L3MBTL3: variants seen among roughly 807,000 people sequenced by gnomAD.
L3MBTL3 encodes the protein L3MBTL histone methyl-lysine binding protein 3.
A neutral mutation model predicts 102.3 loss-of-function variants in L3MBTL3; 27 were observed. The ratio of observed to expected loss-of-function variants is 0.26; its 90% CI spans 0.19 to 0.36. The LOEUF is 0.36. Among genes scored for constraint, L3MBTL3 ranks in the 10% least tolerant of loss-of-function variants. The pLI, the probability that L3MBTL3 is intolerant of heterozygous loss-of-function variation, is 1.00. For synonymous variants in L3MBTL3, 340 were observed against 320.9 expected (o/e 1.06, Z -0.64); for missense variants, 798 against 955.3 (o/e 0.84, Z 2.17).
intron 17 of L3MBTL3, 149 bp downstream of exon 17, chr6:130,093,008 C>G (rs1784151399): frequency 4.0e-6 from 2 of 495,888 alleles, no homozygotes; most frequent in African/African-American, 4.0e-5. Flanking sequence ...TTTTAATTAC[C>G]ACGGTCACAG....
chr6:130,081,704 C>T (rs747738528), intron 14 of L3MBTL3, among the ~76,000 whole-genome samples: 101 of 152,086 alleles, frequency 6.6e-4, no homozygotes, highest in Non-Finnish European at 1.0e-3. Flanking sequence ...GGATTACAGG[C>T]GTGAGCCACC....
intron 14 of L3MBTL3, among the ~76,000 whole-genome samples, chr6:130,083,092 A>G (rs1027441752): frequency 2.0e-5 from 3 of 152,202 alleles, no homozygotes; most frequent in Admixed American, 6.5e-5. Context: ...TACACATTCT[A>G]TTAATAATGT....
intron 14 of L3MBTL3, among the ~76,000 whole-genome samples, chr6:130,081,197 G>A (rs1446367385): frequency 1.3e-5 from 2 of 152,110 alleles, no homozygotes; most frequent in Admixed American, 1.3e-4. Flanking sequence ...TTGTTTTTAA[G>A]TTTAGAGTGA....
rs570103818 is a variant in L3MBTL3, at chr6:130,102,607, C to T, written c.1737-1819C>T. On this transcript the variant is annotated intron_variant, in intron 18 of 22. Transcript: ENST00000361794. The stretch of plus-strand genomic sequence containing the variant: ...CATGATATTTGCCTGCCTGCTTCTC[C>T]CGGTTCATCTCATCCCCATCACACT... Among the ~76,000 whole-genome samples the T allele has an allele frequency of 2.6e-5, 4 of 152,278 alleles. No homozygotes were observed. In the South Asian group the frequency reaches 8.3e-4, roughly 32 times the overall value.
intron 20 of L3MBTL3, among the ~76,000 whole-genome samples, chr6:130,130,373 C>T (rs1194489790): frequency 6.6e-6 from 1 of 152,100 alleles, no homozygotes; most frequent in Admixed American, 6.6e-5. Flanking sequence ...TTGGAAAAGA[C>T]TAATTATATG....
At chr6:130,046,623 G>A (rs921074505) in intron 3 of L3MBTL3, among the ~76,000 whole-genome samples, 2 of 152,168 alleles carry the variant, frequency 1.3e-5, no homozygotes, top group African/African-American at 4.8e-5. Context: ...GAAAAAGTTA[G>A]CAGATGTGTT....
At chr6:130,125,238 A>T (rs1328900322) in intron 20 of L3MBTL3, among the ~76,000 whole-genome samples, 1 of 152,192 alleles carries the variant, frequency 6.6e-6, no homozygotes, top group East Asian at 1.9e-4. Flanking sequence ...TTTCAAGTTG[A>T]AATAGCTCAC....
At position 130,068,363 on chromosome 6, in the gene L3MBTL3, A is replaced by G. The variant is rs567616091; in HGVS notation, c.1034A>G (p.Tyr345Cys). The G allele has an allele frequency of 5.6e-6, 9 of 1,604,582 alleles. No individual in the cohort carries two copies. In the South Asian group the frequency reaches 6.6e-5, roughly 12 times the overall value. The change falls in exon 12 of 23, where the codon TAT becomes TGT. Residue 345 changes from tyrosine to cysteine, a missense_variant. Physicochemically the swap from Tyr to Cys is radical, Grantham distance 194 (BLOSUM62 -2). This residue lies in a region of L3MBTL3 where 434 missense variants were observed against 506.6 expected (regional missense o/e 0.86). Transcript: ENST00000361794. ...YKEEEFNWQTYLKTCKAQAAP... is the reference protein window; with the variant it reads ...YKEEEFNWQTCLKTCKAQAAP... ...GAAGAAGAATTCAATTGGCAGACCT[A>G]TCTTAAGACATGTAAAGCTCAAGCT...
intron 19 of L3MBTL3, among the ~76,000 whole-genome samples, chr6:130,110,601 T>C (rs1039514739): frequency 6.6e-6 from 1 of 152,162 alleles, no homozygotes; most frequent in African/African-American, 2.4e-5. Flanking sequence ...TGGGCTGAGA[T>C]GATGGGGTTT....
chr6:130,139,567 A>G (rs1289932617), intron 22 of L3MBTL3, 43 bp from the exon 23 acceptor site: 14 of 1,579,796 alleles, frequency 8.9e-6, no homozygotes, highest in Admixed American at 1.7e-5. Context: ...ACAACACTGC[A>G]TCTTGTTAAT....
intron 15 of L3MBTL3, among the ~76,000 whole-genome samples, chr6:130,085,223 A>C (rs554315387): frequency 2.6e-5 from 4 of 152,288 alleles, no homozygotes; most frequent in African/African-American, 9.6e-5. Context: ...CAATCACCTT[A>C]TCTTCCACTG....
intron 18 of L3MBTL3, among the ~76,000 whole-genome samples, chr6:130,102,805 C>T (rs1055147681): frequency 6.6e-6 from 1 of 152,244 alleles, no homozygotes. Context: ...CCTCACCACT[C>T]CGTCATAGCA....
chr6:130,104,439 C>G lies in L3MBTL3; in HGVS notation c.1750C>G (p.Pro584Ala). The G allele has an allele frequency of 6.4e-7, 1 of 1,559,140 alleles. No homozygotes were observed. Among genetic ancestry groups the G allele is most frequent in the Non-Finnish European group, 8.7e-7 (1 of 1,155,524 alleles). ...TTAATCTGTTAGTGCTGCCAACTGT[C>G]CCTATTCAGAAATCAATTTGAATAA... Reference protein sequence around the residue: ...HLGPHSAANCPYSEINLNKDR... With the variant: ...HLGPHSAANCAYSEINLNKDR... Residue 584 changes from proline to alanine, a missense_variant, in exon 19 of 23, where the codon CCC becomes GCC. Physicochemically the swap from Pro to Ala is conservative, Grantham distance 27 (BLOSUM62 -1). Around this residue, in one of 4 missense-constraint regions of L3MBTL3, gnomAD observed 306 missense variants for 314.4 expected, o/e 0.97. Transcript: ENST00000361794.
intron 2 of L3MBTL3, among the ~76,000 whole-genome samples, chr6:130,027,820 C>A (rs1402491299): frequency 6.6e-6 from 1 of 152,098 alleles, no homozygotes; most frequent in Non-Finnish European, 1.5e-5. Flanking sequence ...TTAGCATATG[C>A]ATAGAAATAT....
chr6:130,052,971 G>C lies in L3MBTL3; in HGVS notation c.562G>C (p.Glu188Gln). Residue 188 changes from glutamate to glutamine, a missense_variant, in exon 7 of 23, where the codon GAA (glutamate) becomes CAA (glutamine). This residue lies in a region of L3MBTL3 where 434 missense variants were observed against 506.6 expected (regional missense o/e 0.86). Transcript: ENST00000361794. Reference sequence around the variant, plus strand: ...GAAAGCTGACACCAAGGAGGATGGAGAAGAGAGAGATGATGAAATGGTGAG... The same window carrying C: ...GAAAGCTGACACCAAGGAGGATGGACAAGAGAGAGATGATGAAATGGTGAG... ...SLKADTKEDG[E>Q]ERDDEMENKQ... 1 of 1,613,452 alleles carries C rather than the reference G, an allele frequency of 6.2e-7. No homozygotes were observed. Among genetic ancestry groups the C allele is most frequent in the Non-Finnish European group, 8.5e-7 (1 of 1,179,384 alleles).
At chr6:130,033,605 C>T (rs557005098) in intron 2 of L3MBTL3, among the ~76,000 whole-genome samples, 1 of 152,272 alleles carries the variant, frequency 6.6e-6, no homozygotes, top group African/African-American at 2.4e-5. Flanking sequence ...AGTTTAGTTC[C>T]TTGACACCAG....
intron 2 of L3MBTL3, among the ~76,000 whole-genome samples, chr6:130,024,759 G>A (rs1182606873): frequency 1.3e-5 from 2 of 151,996 alleles, no homozygotes; most frequent in Non-Finnish European, 2.9e-5. Context: ...CTTAAAAGAC[G>A]AGATCCTTGC....
intron 14 of L3MBTL3, among the ~76,000 whole-genome samples, chr6:130,082,983 C>T (rs930157784): frequency 6.6e-6 from 1 of 152,162 alleles, no homozygotes; most frequent in East Asian, 1.9e-4. Flanking sequence ...GCTAATTTCC[C>T]ACCATACTGG....
rs1055559387 is a variant in L3MBTL3, at chr6:130,140,146, A to G, written c.*393A>G. On this transcript the variant is annotated 3_prime_UTR_variant, in exon 23 of 23. Coordinates refer to ENST00000361794, the MANE Select transcript of L3MBTL3 (RefSeq NM_032438.4). ...CTGTTTCTTTTTCAATACTTTCAGAAACCTTTTTATATAATCAAATTTCAA... is the reference window on the plus strand; with the variant it reads ...CTGTTTCTTTTTCAATACTTTCAGAGACCTTTTTATATAATCAAATTTCAA... The G allele has an allele frequency of 6.2e-6, 1 of 160,750 alleles. No homozygotes were observed. The highest frequency in any genetic ancestry group is 2.4e-5 in the African/African-American group (1 of 41,488). The allele number at this position is 160,750 out of a possible 1,614,324, so 10.0% of individuals were successfully genotyped here.
Sources: gnomAD v4.1 joint callset for allele counts (sites outside exome capture counted in the v4.1 genomes callset) on GRCh38, gnomAD v4.1.1 for gene constraint, gnomAD v4.1.1 regional missense constraint, MANE v1.5 for transcripts, NCBI Gene and HGNC (gene_info 2026-07-23, HGNC 2026-07-21) for gene names.